ABL1: variants seen among roughly 807,000 people sequenced by gnomAD.
ABL1 encodes the protein ABL proto-oncogene 1, non-receptor tyrosine kinase.
A neutral mutation model predicts 94.7 loss-of-function variants in ABL1; 11 were observed. The ratio of observed to expected loss-of-function variants is 0.12; its 90% confidence interval spans 0.07 to 0.19. ABL1 has a LOEUF of 0.19. Ranked by LOEUF, ABL1 falls within the 10% of genes least tolerant of loss-of-function variation. ABL1 has a pLI of 1.00. For missense variants in ABL1, 1,082 were observed against 1,489.4 expected, an observed-to-expected ratio of 0.73 and a Z score of 4.50; for synonymous variants, 656 against 622.4, an observed-to-expected ratio of 1.05 and a Z score of -0.80.
intron 1 of ABL1, among the ~76,000 whole-genome samples, chr9:130,793,334 T>C (rs969582885): frequency 2.0e-5 from 3 of 152,196 alleles, no homozygotes; most frequent in African/African-American, 7.2e-5. Flanking sequence ...CATAGATCTA[T>C]TTGCCCATCA....
intron 1 of ABL1, among the ~76,000 whole-genome samples, chr9:130,843,995 C>T (rs778092483): frequency 6.6e-6 from 1 of 152,056 alleles, no homozygotes; most frequent in Non-Finnish European, 1.5e-5. Context: ...AAAACATGTC[C>T]CATGTTAGCT....
At chr9:130,799,276 G>C (rs1830024481) in intron 1 of ABL1, among the ~76,000 whole-genome samples, 1 of 152,196 alleles carries the variant, frequency 6.6e-6, no homozygotes, top group South Asian at 2.1e-4. Flanking sequence ...CTTTGCTTTT[G>C]TAAAATGCAT....
At chr9:130,856,379 C>T (rs1185994148) in intron 3 of ABL1, among the ~76,000 whole-genome samples, 14 of 152,142 alleles carry the variant, frequency 9.2e-5, no homozygotes, top group Non-Finnish European at 1.8e-4. Context: ...TGAGCCACCA[C>T]GCCTGGCCGT....
intron 1 of ABL1, among the ~76,000 whole-genome samples, chr9:130,809,389 A>T (rs993758077): frequency 2.8e-4 from 20 of 70,430 alleles, no homozygotes; most frequent in African/African-American, 1.1e-3. Context: ...CTTGAGAGAG[A>T]GAGAGAGAGA....
intron 1 of ABL1, among the ~76,000 whole-genome samples, chr9:130,722,088 T>G (rs928587038): frequency 6.6e-6 from 1 of 151,298 alleles, no homozygotes; most frequent in African/African-American, 2.4e-5. Context: ...GGCTATCCGA[T>G]TCTCAAAGAG....
chr9:130,884,378 C>T lies in ABL1; in HGVS notation c.2088C>T (p.Ser696=), dbSNP rs1831526104. 1 of 1,611,882 alleles carries T rather than the reference C, an allele frequency of 6.2e-7. No individual in the cohort carries two copies. Residue 696 remains serine (S), a synonymous_variant, in exon 11 of 11, where the codon AGC becomes AGT. Transcript: ENST00000318560. This position sits in a 1 kb window ranked among gnomAD's most constrained non-coding sequence, Gnocchi z 5.6. ...AGAAGTCCAGCACGCTGACCAGCAGCCGCCTAGCCACCGGCGAGGAGGAGG... is the reference window on the plus strand; with the variant it reads ...AGAAGTCCAGCACGCTGACCAGCAGTCGCCTAGCCACCGGCGAGGAGGAGG... ...LWKKSSTLTS[S]RLATGEEEGG...
At chr9:130,782,466 GGGGTAAATTTA>G (rs1829768124) in intron 1 of ABL1, among the ~76,000 whole-genome samples, 4 of 152,194 alleles carry the variant, frequency 2.6e-5, no homozygotes, top group Admixed American at 2.6e-4. Flanking sequence ...GAGACTGGTA[GGGGTAAATTTA>G]GAGCCTGGGG....
At chr9:130,714,536 C>T in intron 1 of ABL1, 1 of 1,552,002 alleles carries the variant, frequency 6.4e-7, no homozygotes, top group Admixed American at 1.7e-5. Context: ...AACAACAGTA[C>T]TTGCGACAGT....
At chr9:130,857,187 T>G (rs1830988107) in intron 3 of ABL1, among the ~76,000 whole-genome samples, 1 of 152,230 alleles carries the variant, frequency 6.6e-6, no homozygotes, top group African/African-American at 2.4e-5. Context: ...TGCACGTGCT[T>G]CTTTATGTGG....
chr9:130,717,842 T>C (rs1187081745), intron 1 of ABL1, among the ~76,000 whole-genome samples: 1 of 150,558 alleles, frequency 6.6e-6, no homozygotes, highest in East Asian at 1.9e-4. Context: ...GGAGAAACCC[T>C]GTCTCTACCA....
rs568295806 is a variant in ABL1, at chr9:130,730,231, G to A, written c.136+15776G>A. ...CTAATTTTGTGTTTTTAGTAGAGAC[G>A]GGGTTTCTCTGTGTTGATCAGGCTG... On this transcript the variant is annotated intron_variant, in intron 1 of 10. Transcript: ENST00000372348. Among the ~76,000 whole-genome samples, 7 of 149,828 alleles carry A rather than the reference G, an allele frequency of 4.7e-5. 1 individual carries two copies. Among genetic ancestry groups the A allele is most frequent in the Middle Eastern group, 7.2e-3 (2 of 276 alleles).
intron 3 of ABL1, among the ~76,000 whole-genome samples, chr9:130,860,987 TC>T (rs1229060028): frequency 5.9e-5 from 9 of 152,144 alleles, no homozygotes; most frequent in African/African-American, 1.9e-4. Flanking sequence ...GGTGCCGACT[TC>T]CGCTCCCCGA....
intron 1 of ABL1, among the ~76,000 whole-genome samples, chr9:130,735,116 G>A (rs542693654): frequency 1.4e-4 from 21 of 152,056 alleles, no homozygotes; most frequent in East Asian, 1.9e-4. Context: ...CGCAACCTCC[G>A]CCGCCTGGGT....
intron 10 of ABL1, among the ~76,000 whole-genome samples, chr9:130,882,690 A>G (rs1343128005): frequency 1.3e-5 from 2 of 151,894 alleles, no homozygotes; most frequent in Non-Finnish European, 2.9e-5. Context: ...GTGTGCCACC[A>G]CACCCAGCTA....
intron 1 of ABL1, among the ~76,000 whole-genome samples, chr9:130,766,487 G>A (rs1195157712): frequency 6.6e-6 from 1 of 152,132 alleles, no homozygotes; most frequent in African/African-American, 2.4e-5. Flanking sequence ...TGTGCCCCGT[G>A]GTTAGGAAGA....
At chr9:130,729,567 G>A (rs1812475391) in intron 1 of ABL1, among the ~76,000 whole-genome samples, 2 of 152,122 alleles carry the variant, frequency 1.3e-5, no homozygotes, top group South Asian at 2.1e-4. Flanking sequence ...CTTACCTTAT[G>A]TTTTTCTCTT....
rs949272436 is a variant in ABL1, at chr9:130,753,479, G to A, written c.136+39024G>A. Among the ~76,000 whole-genome samples, 5 of 129,890 alleles carry A rather than the reference G, an allele frequency of 3.8e-5. No individual in the cohort carries two copies. In the East Asian group the frequency reaches 7.6e-4, roughly 20 times the overall value. The allele number at this position is 129,890 out of a possible 152,430, so 85.2% of individuals were successfully genotyped here. On this transcript the variant is annotated intron_variant, in intron 1 of 10. Transcript: ENST00000372348. ...CTCACTCTGTTGCTCAGGCTGGAGT[G>A]CAGTGGTGCAATCTTGGCTCACTGC... is the stretch of plus-strand genomic sequence containing the variant.
rs1213202065 is a variant in ABL1 at position 130,875,127 on chromosome 9, C to CCCTTTCTTTTCTT, written c.1270+86_1270+98dup. On this transcript the variant is annotated intron_variant, in intron 7 of 10. Transcript: ENST00000318560. ...TTTTTTCTGCCTCTTTCTTGCTCTTCCCTTTCTTTTCTTCCTTTCTTTTTG... is the reference window on the plus strand; with the variant it reads ...TTTTTTCTGCCTCTTTCTTGCTCTTCCCTTTCTTTTCTTCCTTTCTTTTCTTCCTTTCTTTTTG... 50 of 1,456,970 alleles carry CCCTTTCTTTTCTT rather than the reference C, an allele frequency of 3.4e-5. No homozygotes were observed. The Middle Eastern group carries it at 7.6e-4, about 22-fold the overall frequency. 90.3% of individuals were successfully genotyped at this position (1,456,970 alleles called of 1,614,324 possible). A position where few individuals can be genotyped will look rare whatever the true frequency, so the allele number is the denominator to read the frequency against.
intron 1 of ABL1, among the ~76,000 whole-genome samples, chr9:130,801,656 GGTTTTA>G (rs1371765546): frequency 6.6e-6 from 1 of 152,120 alleles, no homozygotes; most frequent in Non-Finnish European, 1.5e-5. Flanking sequence ...TTTTGGTATT[GGTTTTA>G]GTTTTGGGTT....
Sources: allele counts gnomAD v4.1 joint callset (sites outside exome capture counted in the v4.1 genomes callset), GRCh38; gene constraint gnomAD v4.1.1; non-coding constraint Gnocchi (gnomAD v3.1); transcripts MANE v1.5; gene names NCBI Gene and HGNC (gene_info 2026-07-23, HGNC 2026-07-21).